Variants in NPHP1 observed in about 807,000 individuals in gnomAD.
The protein encoded by NPHP1 is nephrocystin 1.
Under a neutral mutation model 90.4 loss-of-function variants are expected in NPHP1, and 70 were observed. The ratio of observed to expected loss-of-function variants is 0.77; its 90% CI spans 0.64 to 0.95. NPHP1 has a LOEUF of 0.95. Ranked by LOEUF, NPHP1 falls within the 40% of genes least tolerant of loss-of-function variation. The pLI is 0.00. For missense variants in NPHP1, 764 were observed against 795.9 expected (o/e 0.96, Z 0.48); for synonymous variants, 256 against 271.7 (o/e 0.94, Z 0.57).
At chr2:110,163,214 T>C in intron 8 of NPHP1, 79 bp from the exon 9 acceptor site, 1 of 1,057,088 alleles carries the variant, frequency 9.5e-7, no homozygotes, top group Non-Finnish European at 1.5e-6. Context: ...CTAGAGTAAC[T>C]ATAACCCAAA....
At chr2:110,131,577 C>G in intron 17 of NPHP1, 102 bp downstream of exon 17, 1 of 743,574 alleles carries the variant, frequency 1.3e-6, no homozygotes, top group Non-Finnish European at 2.4e-6. Flanking sequence ...TATTTTATTC[C>G]AAAAGTCACA....
intron 1 of NPHP1, chr2:110,202,433 C>T (rs538980388): frequency 7.9e-5 from 36 of 455,404 alleles, no homozygotes; most frequent in African/African-American, 5.8e-4. Context: ...ACTTGTCCTA[C>T]AGACACCGAA....
rs1187622609 is a variant in NPHP1 at position 110,164,602 on chromosome 2, G to T, written c.771+86C>A. 3 of 1,608,734 alleles carry T rather than the reference G, an allele frequency of 1.9e-6. No homozygotes were observed. The East Asian group carries it at 6.7e-5, about 36-fold the overall frequency. ...CCTGAACCCTGTTTCAGATCCATTG[G>T]TGTCTTCCACAGTCTCCATCCTATT... On this transcript the variant is annotated intron_variant, in intron 8 of 19. Transcript: ENST00000445609.
chr2:110,174,621 C>T (rs1683379656), intron 4 of NPHP1, among the ~76,000 whole-genome samples: 1 of 152,018 alleles, frequency 6.6e-6, no homozygotes, highest in African/African-American at 2.4e-5. Context: ...TATTTGTAAC[C>T]TCCTAATTAA....
At chr2:110,178,575 TA>T in intron 3 of NPHP1, 28 bp from the exon 4 acceptor site, 1 of 1,578,514 alleles carries the variant, frequency 6.3e-7, no homozygotes, top group Admixed American at 1.9e-5. Context: ...TCTATTTCAC[TA>T]AAAAATTAAT....
intron 1 of NPHP1, 104 bp downstream of exon 1, chr2:110,204,796 G>A (rs1685823186): frequency 1.7e-6 from 2 of 1,208,024 alleles, no homozygotes; most frequent in African/African-American, 3.0e-5. Context: ...GTAGGTTGGG[G>A]GCAAGCTCCC....
intron 2 of NPHP1, among the ~76,000 whole-genome samples, chr2:110,196,807 T>C (rs1020045646): frequency 1.3e-5 from 2 of 152,134 alleles, no homozygotes; most frequent in African/African-American, 2.4e-5. Context: ...ATATACACCA[T>C]GGAATACTAT....
At chr2:110,130,060 G>A (rs1000092618) in intron 17 of NPHP1, among the ~76,000 whole-genome samples, 1 of 152,148 alleles carries the variant, frequency 6.6e-6, no homozygotes, top group Non-Finnish European at 1.5e-5. Context: ...GTGCCATCAC[G>A]TGGCTGAAGG....
chr2:110,124,060 C>T lies in NPHP1; in HGVS notation c.1765G>A (p.Asp589Asn), dbSNP rs896252440. ...ESTLKRSEKR[D>N]KEFLKSTFLL... The stretch of plus-strand genomic sequence containing the variant: ...AACGTGGACTTCAGGAACTCTTTGT[C>T]TCTCTGGGAAAACACCACCCCCACA... Residue 589 changes from aspartate (D) to asparagine (N), a missense_variant, in exon 20 of 20, where the codon GAC becomes AAC. Physicochemically the swap from Asp to Asn is conservative, Grantham distance 23. Coordinates refer to ENST00000445609, the MANE Select transcript of NPHP1 (RefSeq NM_001128178.3). 6.2e-7 allele frequency: 1 copy of T among 1,613,936 alleles called. No homozygotes were observed. The highest frequency in any genetic ancestry group is 1.7e-5 in the Admixed American group (1 of 60,006).
intron 2 of NPHP1, among the ~76,000 whole-genome samples, chr2:110,188,044 C>T (rs1684418152): frequency 6.6e-6 from 1 of 152,050 alleles, no homozygotes; most frequent in Non-Finnish European, 1.5e-5. Context: ...ATATGACAAA[C>T]CGACAGCCAA....
chr2:110,164,429 T>C (rs1682561239), intron 8 of NPHP1: 1 of 747,668 alleles, frequency 1.3e-6, no homozygotes, highest in East Asian at 2.4e-5. Flanking sequence ...GAAAGCAGGA[T>C]CAATGAGAAT....
At chr2:110,180,645 C>G (rs1320394617) in intron 2 of NPHP1, among the ~76,000 whole-genome samples, 2 of 151,982 alleles carry the variant, frequency 1.3e-5, no homozygotes, top group African/African-American at 4.8e-5. Context: ...TTGAGACTGA[C>G]AAGGCAAACA....
At chr2:110,143,847 G>A (rs1680825059) in intron 15 of NPHP1, 1 of 550,760 alleles carries the variant, frequency 1.8e-6, no homozygotes, top group Non-Finnish European at 3.3e-6. Context: ...CAGCATTATT[G>A]CTGCCAGATT....
chr2:110,135,324 AAAATTAG>A (rs1680092121), intron 16 of NPHP1, among the ~76,000 whole-genome samples: 1 of 151,750 alleles, frequency 6.6e-6, no homozygotes, highest in Non-Finnish European at 1.5e-5. Context: ...AAAAATACAA[AAAATTAG>A]CTGGGCGTGT....
At chr2:110,132,329 G>A (rs1479357290) in intron 16 of NPHP1, among the ~76,000 whole-genome samples, 2 of 152,104 alleles carry the variant, frequency 1.3e-5, no homozygotes, top group Non-Finnish European at 2.9e-5. Context: ...AGTAATACTT[G>A]CATTTCAGAA....
In NPHP1 at chr2:110,131,860, A is replaced by G. The variant is rs1019750065; in HGVS notation, c.1530-69T>C. On this transcript the variant is annotated intron_variant, in intron 16 of 19. Transcript: ENST00000445609. ...AATCCAACTTATAATGTTTTGATGTATATTACTTTAATAAACAGTCCCAAA... is the reference window on the plus strand; with the variant it reads ...AATCCAACTTATAATGTTTTGATGTGTATTACTTTAATAAACAGTCCCAAA... The G allele has an allele frequency of 2.9e-6, 3 of 1,027,806 alleles. No homozygotes were observed. In the African/African-American group the frequency reaches 4.8e-5, roughly 16 times the overall value. 63.7% of individuals were successfully genotyped at this position (1,027,806 alleles called of 1,614,324 possible).
chr2:110,136,316 C>T (rs1384922754), intron 16 of NPHP1, among the ~76,000 whole-genome samples: 7 of 151,902 alleles, frequency 4.6e-5, no homozygotes, highest in African/African-American at 1.2e-4. Flanking sequence ...TTGGAAGTTC[C>T]GACCAGGGCA....
At chr2:110,157,604 G>A (rs186283537) in intron 11 of NPHP1, among the ~76,000 whole-genome samples, 10 of 152,150 alleles carry the variant, frequency 6.6e-5, no homozygotes, top group South Asian at 6.2e-4. Context: ...ATCCAGATGC[G>A]GAAGTCAGAG....
chr2:110,184,604 T>G, intron 2 of NPHP1: 1 of 1,130,484 alleles, frequency 8.8e-7, no homozygotes, highest in Non-Finnish European at 1.3e-6. Flanking sequence ...TCATGCGAAT[T>G]GACATCGCAA....
Sources: allele counts gnomAD v4.1 joint callset (sites outside exome capture counted in the v4.1 genomes callset), GRCh38; gene constraint gnomAD v4.1.1; transcripts MANE v1.5; gene names NCBI Gene and HGNC (gene_info 2026-07-23, HGNC 2026-07-21).